The following AFG2A variants were observed in gnomAD, a reference collection of about 807,000 sequenced individuals.
AFG2A encodes AAA ATPase AFG2A.
At chr4:123,150,314 A>T in the AFG2A span, among the ~76,000 whole-genome samples, 2 of 152,230 alleles carry the variant, frequency 1.3e-5, no homozygotes, top group Non-Finnish European at 2.9e-5. Flanking sequence ...GTATTTAAAT[A>T]GGAAGAGAGG....
the AFG2A span, among the ~76,000 whole-genome samples, chr4:122,945,796 C>T: frequency 7.9e-5 from 12 of 152,120 alleles, no homozygotes; most frequent in South Asian, 2.1e-4. Context: ...GGCTCCTCCC[C>T]GAACTTTTTG....
chr4:122,925,096 T>G, the AFG2A span, among the ~76,000 whole-genome samples: 2 of 152,132 alleles, frequency 1.3e-5, no homozygotes, highest in African/African-American at 4.8e-5. Context: ...CTGTTCAGTT[T>G]TTCCCGCTGC....
the AFG2A span, among the ~76,000 whole-genome samples, chr4:123,049,365 A>G: frequency 1.3e-5 from 2 of 152,114 alleles, no homozygotes; most frequent in East Asian, 1.9e-4. Flanking sequence ...TGCTGCCTTC[A>G]TTGAATAAAT....
chr4:123,258,399 T>C, the AFG2A span, among the ~76,000 whole-genome samples: 22,006 of 152,248 alleles, frequency 0.14, 1,798 homozygotes, highest in Middle Eastern at 0.24. Context: ...TTTCTCTCTC[T>C]CTGTTTCTCT....
At chr4:122,950,703 C>T in the AFG2A span, among the ~76,000 whole-genome samples, 1 of 152,194 alleles carries the variant, frequency 6.6e-6, no homozygotes, top group African/African-American at 2.4e-5. Context: ...TTTATGGTGG[C>T]ATGCTTGCTG....
the AFG2A span, among the ~76,000 whole-genome samples, chr4:122,956,963 T>C: frequency 6.6e-6 from 1 of 152,178 alleles, no homozygotes; most frequent in Non-Finnish European, 1.5e-5. Context: ...CAGACTTGCT[T>C]TTAAAATCAG....
At chr4:123,279,517 G>A in the AFG2A span, among the ~76,000 whole-genome samples, 2 of 152,098 alleles carry the variant, frequency 1.3e-5, no homozygotes, top group Non-Finnish European at 2.9e-5. Context: ...ATTAGGAAAA[G>A]GTAAATTTGA....
chr4:123,264,156 G>A, the AFG2A span, among the ~76,000 whole-genome samples: 1 of 152,156 alleles, frequency 6.6e-6, no homozygotes, highest in Admixed American at 6.6e-5. Flanking sequence ...TGGGAGCAAA[G>A]CTATGAGTAT....
the AFG2A span, among the ~76,000 whole-genome samples, chr4:123,266,419 A>G: frequency 6.6e-6 from 1 of 152,008 alleles, no homozygotes; most frequent in Non-Finnish European, 1.5e-5. Context: ...AAATTTTGTT[A>G]TAATCAGCAA....
At chr4:123,095,047 A>ATATATATATATG in the AFG2A span, among the ~76,000 whole-genome samples, 1 of 72,286 alleles carries the variant, frequency 1.4e-5, no homozygotes, top group Non-Finnish European at 2.9e-5. Flanking sequence ...AAAAAAATAT[A>ATATATATATATG]TATATATATA....
chr4:123,300,751 T>G, the AFG2A span, among the ~76,000 whole-genome samples: 3 of 68,478 alleles, frequency 4.4e-5, no homozygotes, highest in African/African-American at 1.1e-4. Context: ...ATGTTTTTTT[T>G]GTTTTTTTTT....
At chr4:122,959,716 T>C in the AFG2A span, among the ~76,000 whole-genome samples, 2 of 152,232 alleles carry the variant, frequency 1.3e-5, no homozygotes, top group Admixed American at 6.5e-5. Context: ...ACCTCTGTAG[T>C]GTTTGTGTAG....
At chr4:123,218,652 CAT>C in the AFG2A span, among the ~76,000 whole-genome samples, 1 of 141,894 alleles carries the variant, frequency 7.0e-6, no homozygotes, top group East Asian at 1.9e-4. Flanking sequence ...TACATACATA[CAT>C]ACATACATAC....
chr4:123,182,116 C>A, the AFG2A span, among the ~76,000 whole-genome samples: 2 of 152,074 alleles, frequency 1.3e-5, no homozygotes, highest in South Asian at 2.1e-4. Flanking sequence ...TCTTAAAATT[C>A]TTTAATTATT....
chr4:123,266,729 TG>T, the AFG2A span, among the ~76,000 whole-genome samples: 6 of 151,994 alleles, frequency 3.9e-5, no homozygotes, highest in South Asian at 2.1e-4. Flanking sequence ...GTAAAGCTAA[TG>T]TTTTTTTATA....
chr4:123,067,511 C>T, the AFG2A span, among the ~76,000 whole-genome samples: 1 of 151,758 alleles, frequency 6.6e-6, no homozygotes, highest in Non-Finnish European at 1.5e-5. Context: ...GGCGAGACTC[C>T]ATCCCCCCCA....
chr4:123,229,138 TA>T, the AFG2A span, among the ~76,000 whole-genome samples: 1 of 151,932 alleles, frequency 6.6e-6, no homozygotes, highest in African/African-American at 2.4e-5. Context: ...TTTAAGTATT[TA>T]AAAAAATAGT....
the AFG2A span, among the ~76,000 whole-genome samples, chr4:122,963,990 GA>G: frequency 6.6e-6 from 1 of 152,038 alleles, no homozygotes; most frequent in Non-Finnish European, 1.5e-5. Context: ...ACCCAGCTGT[GA>G]ATCTTCAGCT....
chr4:123,212,304 T>A, the AFG2A span, among the ~76,000 whole-genome samples: 1 of 152,122 alleles, frequency 6.6e-6, no homozygotes, highest in Non-Finnish European at 1.5e-5. Context: ...ACCCTCCTAT[T>A]GAACGTGAAA....
Sources: allele counts gnomAD v4.1 joint callset (sites outside exome capture counted in the v4.1 genomes callset), GRCh38; gene constraint gnomAD v4.1.1; transcripts MANE v1.5; gene names NCBI Gene and HGNC (gene_info 2026-07-23, HGNC 2026-07-21).